MYPN: variants seen among roughly 807,000 people sequenced by gnomAD.
MYPN encodes sarcomeric protein myopalladin, 145 kDa (MYOP).
In MYPN, 63 loss-of-function variants were observed where a neutral mutation model predicts 129.4. The observed-to-expected ratio is 0.49, with a 90% CI of 0.40 to 0.60. The LOEUF (loss-of-function observed/expected upper bound fraction) is 0.60, where lower values mean the gene tolerates loss of function less well. MYPN is among the 20% of genes least tolerant of loss of function. The pLI is 0.00. For missense variants in MYPN, 1,596 were observed against 1,635.4 expected (o/e 0.98, Z 0.42); for synonymous variants, 629 against 600.9 (o/e 1.05, Z -0.68).
intron 6 of MYPN, among the ~76,000 whole-genome samples, chr10:68,152,930 C>T (rs982459540): frequency 5.3e-5 from 8 of 151,632 alleles, no homozygotes; most frequent in African/African-American, 1.2e-4. Flanking sequence ...CCACCACACC[C>T]GGCTAACATT....
intron 18 of MYPN, among the ~76,000 whole-genome samples, 195 bp downstream of exon 18, chr10:68,202,189 T>G (rs747711231): frequency 1.3e-5 from 2 of 152,184 alleles, no homozygotes; most frequent in East Asian, 3.8e-4. Context: ...TCCCAGCACT[T>G]TGGGAGGCCA....
chr10:68,159,945 C>T lies in MYPN; in HGVS notation c.1459+1318C>T, dbSNP rs764448901. Among the ~76,000 whole-genome samples, 3 of 152,082 alleles carry T rather than the reference C, an allele frequency of 2.0e-5. 1 individual carries two copies. Among genetic ancestry groups the T allele is most frequent in the Admixed American group, 1.3e-4 (2 of 15,260 alleles). On this transcript the variant is annotated intron_variant, in intron 7 of 19. Coordinates refer to ENST00000358913, the MANE Select transcript of MYPN (RefSeq NM_032578.4). ...TGGCTAAATTGAGCTAATGAACATA[C>T]GTATTACCTCACACACATCATTTTT...
At chr10:68,091,625 G>C (rs2041931635) in intron 1 of MYPN, among the ~76,000 whole-genome samples, 1 of 151,482 alleles carries the variant, frequency 6.6e-6, no homozygotes, top group South Asian at 2.1e-4. Context: ...GAACTCCGGG[G>C]CTCAAGTGAT....
chr10:68,134,385 G>C (rs1268165095), intron 2 of MYPN, among the ~76,000 whole-genome samples: 1 of 152,032 alleles, frequency 6.6e-6, no homozygotes, highest in Non-Finnish European at 1.5e-5. Context: ...GATTTCTAGA[G>C]GAGACAATAA....
At chr10:68,141,964 A>C (rs765657634) in intron 2 of MYPN, among the ~76,000 whole-genome samples, 1 of 152,210 alleles carries the variant, frequency 6.6e-6, no homozygotes, top group African/African-American at 2.4e-5. Context: ...TGACTGCATC[A>C]GTCCCCTGAG....
At chr10:68,131,114 T>C (rs7073984) in intron 2 of MYPN, among the ~76,000 whole-genome samples, 53,530 of 151,964 alleles carry the variant, frequency 0.35, 10,393 homozygotes, top group African/African-American at 0.51. Flanking sequence ...CTAGGCCGGG[T>C]GTGGGGGCTC....
intron 7 of MYPN, among the ~76,000 whole-genome samples, chr10:68,160,477 T>C (rs1459850845): frequency 7.0e-6 from 1 of 142,876 alleles, no homozygotes; most frequent in Non-Finnish European, 1.5e-5. Flanking sequence ...AAAAAAAAAC[T>C]TCAATGGGTC....
intron 12 of MYPN, among the ~76,000 whole-genome samples, chr10:68,176,344 A>T (rs2043227061): frequency 6.6e-6 from 1 of 152,200 alleles, no homozygotes; most frequent in Non-Finnish European, 1.5e-5. Context: ...GTTATTTTTA[A>T]TGCAGGTTTA....
At chr10:68,145,884 C>T (rs2042658283) in intron 4 of MYPN, among the ~76,000 whole-genome samples, 1 of 152,174 alleles carries the variant, frequency 6.6e-6, no homozygotes, top group African/African-American at 2.4e-5. Context: ...CTTTTACCCC[C>T]TTCCTATATC....
At chr10:68,108,931 G>A (rs1223778393), upstream of MYPN, among the ~76,000 whole-genome samples, 1 of 152,152 alleles carries the variant, frequency 6.6e-6, no homozygotes, top group Non-Finnish European at 1.5e-5. Flanking sequence ...ATGTAGGCCA[G>A]CCTGGTCTTG....
At chr10:68,189,186 CA>C (rs1328020180) in intron 13 of MYPN, 60 bp downstream of exon 13, 12 of 1,209,974 alleles carry the variant, frequency 9.9e-6, no homozygotes, top group African/African-American at 1.5e-5. Flanking sequence ...ACAGTGCCTT[CA>C]AGAAGGTCTT....
chr10:68,141,167 A>G (rs1174810156), intron 2 of MYPN, among the ~76,000 whole-genome samples: 1 of 152,176 alleles, frequency 6.6e-6, no homozygotes, highest in Non-Finnish European at 1.5e-5. Context: ...TCAAGAGATC[A>G]AGACCATTCT....
At chr10:68,172,681 G>C (rs1168401869) in intron 10 of MYPN, among the ~76,000 whole-genome samples, 1 of 152,108 alleles carries the variant, frequency 6.6e-6, no homozygotes, top group Non-Finnish European at 1.5e-5. Context: ...TCTCCTTTTA[G>C]GAACAATAAA....
chr10:68,206,874 T>G lies in MYPN; in HGVS notation c.3764T>G (p.Val1255Gly). The change falls in exon 19 of 20, where the codon GTG becomes GGG. Residue 1255 changes from valine (V) to glycine (G), a missense_variant. Transcript: ENST00000358913. ...TCAGCCAAGAATGAAGCCGGCATCG[T>G]GTCGTGCACTGCCAGGCTGGATATA... Reference protein sequence around the residue: ...TLSAKNEAGIVSCTARLDIYA... With the variant: ...TLSAKNEAGIGSCTARLDIYA... 2.5e-6 allele frequency: 4 copies of G among 1,614,224 alleles called. No individual in the cohort carries two copies. Among genetic ancestry groups the G allele is most frequent in the Non-Finnish European group, 3.4e-6 (4 of 1,180,036 alleles).
chr10:68,175,915 A>C (rs1319812593), intron 12 of MYPN, among the ~76,000 whole-genome samples: 1 of 151,604 alleles, frequency 6.6e-6, no homozygotes, highest in African/African-American at 2.4e-5. Context: ...TAATTTTTTT[A>C]ATTTTTTGTA....
intron 11 of MYPN, 65 bp from the exon 12 acceptor site, chr10:68,175,258 T>C: frequency 6.3e-7 from 1 of 1,581,686 alleles, no homozygotes; most frequent in Non-Finnish European, 8.7e-7. Flanking sequence ...CCACTCTGAT[T>C]TCTAGGCCTT....
At chr10:68,181,424 G>A (rs2043311248) in intron 12 of MYPN, among the ~76,000 whole-genome samples, 1 of 151,936 alleles carries the variant, frequency 6.6e-6, no homozygotes, top group East Asian at 1.9e-4. Context: ...TGAGTAGCTG[G>A]GACTGCAGGT....
chr10:68,121,451 A>C lies in MYPN; in HGVS notation c.13A>C (p.Ser5Arg), dbSNP rs1554839140. Residue 5 changes from serine to arginine, a missense_variant, in exon 2 of 20, where the codon AGC becomes CGC. Coordinates refer to ENST00000358913, the MANE Select transcript of MYPN (RefSeq NM_032578.4). ...ATTTTGTGACAGCATGCAAGACGAC[A>C]GCATAGAAGCTTCTACTTCCATATC... is the stretch of plus-strand genomic sequence containing the variant. Reference protein sequence around the residue: MQDDSIEASTSISQL... With the variant: MQDDRIEASTSISQL... 1.2e-6 allele frequency: 2 copies of C among 1,610,522 alleles called. No homozygotes were observed. Among genetic ancestry groups the C allele is most frequent in the Non-Finnish European group, 1.7e-6 (2 of 1,178,710 alleles).
At position 68,200,559 on chromosome 10, in the gene MYPN, A is replaced by C. The variant is rs181853574; in HGVS notation, c.3493+984A>C. On this transcript the variant is annotated intron_variant, in intron 17 of 19. Coordinates refer to ENST00000358913, the MANE Select transcript of MYPN (RefSeq NM_032578.4). ...GATCACCTGAGGTTAGGAGTTCAAG[A>C]CCAGCCTGGCCAACATGGCAAAACC... Among the ~76,000 whole-genome samples the C allele has an allele frequency of 7.2e-4, 110 of 152,160 alleles. 4 individuals carry two copies. In the East Asian group the frequency reaches 0.021, roughly 29 times the overall value.
Sources: gnomAD v4.1 joint callset for allele counts (sites outside exome capture counted in the v4.1 genomes callset) on GRCh38, gnomAD v4.1.1 for gene constraint, MANE v1.5 for transcripts, NCBI Gene and HGNC (gene_info 2026-07-23, HGNC 2026-07-21) for gene names.